CORO1A: variants seen among roughly 807,000 people sequenced by gnomAD.
CORO1A encodes the protein coronin 1A, also known as coronin-1A.
Under a neutral mutation model 44.1 loss-of-function variants are expected in CORO1A, and 17 were observed. The observed-to-expected ratio is 0.39, with a 90% confidence interval of 0.26 to 0.58. The LOEUF (loss-of-function observed/expected upper bound fraction) is 0.58. Ranked by LOEUF, CORO1A falls within the 20% of genes least tolerant of loss-of-function variation. The pLI is 0.62. For synonymous variants in CORO1A, 271 were observed against 244.2 expected (o/e 1.11, Z -1.02); for missense variants, 415 against 606.5 (o/e 0.68, Z 3.32).
chr16:30,187,048 A>G lies in CORO1A; in HGVS notation c.461A>G (p.Asn154Ser). 6.2e-7 allele frequency: 1 copy of G among 1,614,064 alleles called. No homozygotes were observed. The highest frequency in any genetic ancestry group is 1.1e-5 in the South Asian group (1 of 91,084). ...TGTGGGGAACGTGCAGGTTGTGACA[A>G]CGTGATCATGGTGTGGGACGTGGGC... The part of the protein sequence containing the change: ...QNVLLSAGCD[N>S]VIMVWDVGTG... Residue 154 changes from asparagine (N) to serine (S), a missense_variant, in exon 5 of 11, where the codon AAC becomes AGC. Asn to Ser is a conservative substitution (Grantham distance 46). Coordinates refer to ENST00000219150, the MANE Select transcript of CORO1A (RefSeq NM_007074.4).
intron 1 of CORO1A, 161 bp from the exon 2 acceptor site, chr16:30,185,048 A>C: frequency 1.4e-6 from 1 of 721,850 alleles, no homozygotes; most frequent in Non-Finnish European, 2.4e-6. Flanking sequence ...AGGCTGGGGA[A>C]GGCAAGCAGG....
chr16:30,187,076 T>C lies in CORO1A; in HGVS notation c.489T>C (p.Thr163=). The part of the protein sequence containing the change: ...DNVIMVWDVG[T]GAAMLTLGPE... Reference sequence around the variant, plus strand: ...TGATCATGGTGTGGGACGTGGGCACTGGGGCGGCCATGCTGACACTGGGCC... The same window carrying C: ...TGATCATGGTGTGGGACGTGGGCACCGGGGCGGCCATGCTGACACTGGGCC... Residue 163 remains threonine, a synonymous_variant, in exon 5 of 11, where the codon ACT becomes ACC. Coordinates refer to ENST00000219150, the MANE Select transcript of CORO1A (RefSeq NM_007074.4). The C allele has an allele frequency of 5.6e-6, 9 of 1,614,034 alleles. No homozygotes were observed. The highest frequency in any genetic ancestry group is 7.6e-6 in the Non-Finnish European group (9 of 1,179,982).
Position 30,186,675 on chromosome 16 carries a change from C to T in CORO1A, c.276C>T (p.His92=). The T allele has an allele frequency of 1.2e-6, 2 of 1,613,298 alleles. No individual in the cohort carries two copies. The highest frequency in any genetic ancestry group is 2.2e-5 in the South Asian group (2 of 91,040). Residue 92 remains histidine, a synonymous_variant, in exon 3 of 11, where the codon CAC becomes CAT. Coordinates refer to ENST00000219150, the MANE Select transcript of CORO1A (RefSeq NM_007074.4). ...APVLDIAWCP[H]NDNVIASGSE... is the part of the protein sequence containing the mutation. ...TGCTAGACATCGCCTGGTGCCCGCA[C>T]AATGACAACGTCATTGCCAGTGGCT... is the stretch of plus-strand genomic sequence containing the variant.
At position 30,188,181 on chromosome 16, in the gene CORO1A, C is replaced by T. The variant is rs2073366374; in HGVS notation, c.1008-11C>T. ...AGACTGTGGGCCCCGCTCACCTTCC[C>T]CTTCCCACAGGTTCTACAAGCTGCA... is the stretch of plus-strand genomic sequence containing the variant. On this transcript the variant is annotated splice_polypyrimidine_tract_variant and intron_variant, in intron 8 of 10. Transcript: ENST00000219150. The T allele has an allele frequency of 6.2e-7, 1 of 1,614,010 alleles. No individual in the cohort carries two copies. The highest frequency in any genetic ancestry group is 1.7e-5 in the Admixed American group (1 of 60,006).
chr16:30,187,726 AG>A lies in CORO1A; in HGVS notation c.759del (p.Lys253AsnfsTer77). On this transcript the variant is annotated frameshift_variant and splice_region_variant, in exon 7 of 11. Coordinates refer to ENST00000219150, the MANE Select transcript of CORO1A (RefSeq NM_007074.4). LOFTEE classifies it high-confidence loss of function. ...SERQVALWDT[K>X]HLEEPLSLQE... is the part of the protein sequence containing the mutation. Reference sequence around the variant, plus strand: ...GTTACCTCTCACCTGTGTCTACAGAAGCACCTGGAGGAGCCGCTGTCCCTGC... The same window carrying A: ...GTTACCTCTCACCTGTGTCTACAGAACACCTGGAGGAGCCGCTGTCCCTGC... The A allele has an allele frequency of 6.2e-7, 1 of 1,608,888 alleles. No individual in the cohort carries two copies. Among genetic ancestry groups the A allele is most frequent in the Non-Finnish European group, 8.5e-7 (1 of 1,176,160 alleles).
intron 4 of CORO1A, 33 bp from the exon 5 acceptor site, chr16:30,187,006 C>T (rs1354729320): frequency 1.9e-6 from 3 of 1,613,554 alleles, no homozygotes; most frequent in Non-Finnish European, 2.5e-6. Context: ...GGGCAGGAGG[C>T]TCATGGCTTC....
Position 30,184,883 on chromosome 16 carries a change from C to T in CORO1A, c.-1-326C>T, listed in dbSNP as rs1341215275. The T allele has an allele frequency of 1.5e-4, 66 of 452,382 alleles. No individual in the cohort carries two copies. Among genetic ancestry groups the T allele is most frequent in the Non-Finnish European group, 9.4e-5 (23 of 243,608 alleles). The allele number at this position is 452,382 out of a possible 1,614,324, so 28.0% of individuals were successfully genotyped here. On this transcript the variant is annotated intron_variant, in intron 1 of 10. Transcript: ENST00000219150. This position sits in a 1 kb window ranked among gnomAD's most constrained non-coding sequence, Gnocchi z 4.3. The stretch of plus-strand genomic sequence containing the variant: ...CCTGAGTCTGAACCATTAGGAAGGA[C>T]GGGCTCTGCATCCATCAGCCAGTCA...
Position 30,187,170 on chromosome 16 carries a change from T to G in CORO1A, c.583T>G (p.Cys195Gly). ...SRDGGLICTS[C>G]RDKRVRIIEP... ...AGATGGAGGCCTCATTTGTACCTCC[T>G]GCCGTGACAAGCGCGTGCGCATCAT... Residue 195 changes from cysteine (C) to glycine (G), a missense_variant, in exon 5 of 11, where the codon TGC (cysteine) becomes GGC (glycine). Physicochemically the swap from Cys to Gly is radical, Grantham distance 159. This residue lies in a region of CORO1A where 325 missense variants were observed against 521.7 expected (regional missense o/e 0.62). Coordinates refer to ENST00000219150, the MANE Select transcript of CORO1A (RefSeq NM_007074.4). 6.2e-7 allele frequency: 1 copy of G among 1,613,976 alleles called. No homozygotes were observed. The highest frequency in any genetic ancestry group is 8.5e-7 in the Non-Finnish European group (1 of 1,180,028).
Position 30,185,248 on chromosome 16 carries a change from C to G in CORO1A, c.39C>G (p.His13Gln). 1 of 1,614,170 alleles carries G rather than the reference C, an allele frequency of 6.2e-7. No homozygotes were observed. The highest frequency in any genetic ancestry group is 8.5e-7 in the Non-Finnish European group (1 of 1,180,018). The change falls in exon 2 of 11, where the codon CAC becomes CAG. Residue 13 changes from histidine to glutamine, a missense_variant. Around this residue, in one of 2 missense-constraint regions of CORO1A, gnomAD observed 325 missense variants for 521.7 expected, o/e 0.62. Transcript: ENST00000219150. ...TGGTCCGCTCCAGCAAGTTCCGCCA[C>G]GTGTTTGGACAGCCGGCCAAGGCCG... ...RQVVRSSKFR[H>Q]VFGQPAKADQ...
Position 30,187,733 on chromosome 16 carries a change from G to T in CORO1A, c.765G>T (p.Leu255=), listed in dbSNP as rs748379111. The change falls in exon 7 of 11, where the codon CTG becomes CTT. Residue 255 remains leucine (L), a synonymous_variant. Transcript: ENST00000219150. ...RQVALWDTKH[L]EEPLSLQELD... ...CTCACCTGTGTCTACAGAAGCACCTGGAGGAGCCGCTGTCCCTGCAGGAGC... is the reference window on the plus strand; with the variant it reads ...CTCACCTGTGTCTACAGAAGCACCTTGAGGAGCCGCTGTCCCTGCAGGAGC... 3.1e-6 allele frequency: 5 copies of T among 1,610,762 alleles called. No individual in the cohort carries two copies. Among genetic ancestry groups the T allele is most frequent in the Non-Finnish European group, 4.2e-6 (5 of 1,177,914 alleles).
intron 3 of CORO1A, 38 bp from the exon 4 acceptor site, chr16:30,186,778 T>C (rs1281801022): frequency 6.2e-7 from 1 of 1,609,180 alleles, no homozygotes; most frequent in South Asian, 1.1e-5. Flanking sequence ...GGATCTGACA[T>C]TTGGAGTCCT....
chr16:30,188,287 G>C, intron 9 of CORO1A, 38 bp downstream of exon 9: 1 of 1,613,072 alleles, frequency 6.2e-7, no homozygotes, highest in Non-Finnish European at 8.5e-7. Flanking sequence ...TCCAGGCTGG[G>C]CACTGACTTT....
intron 2 of CORO1A, 109 bp from the exon 3 acceptor site, chr16:30,186,489 T>G: frequency 8.0e-7 from 1 of 1,247,200 alleles, no homozygotes; most frequent in Non-Finnish European, 1.2e-6. Context: ...CTGGTCCAGC[T>G]CCCAGGGACA....
intron 10 of CORO1A, 103 bp from the exon 11 acceptor site, chr16:30,188,757 G>A (rs1330923123): frequency 3.5e-6 from 2 of 563,582 alleles, no homozygotes; most frequent in East Asian, 2.9e-5. Context: ...CCAGCTGAGC[G>A]ACTAAAGGGC....
chr16:30,185,611 A>C (rs2073324825), intron 2 of CORO1A: 1 of 604,544 alleles, frequency 1.7e-6, no homozygotes, highest in African/African-American at 1.9e-5. Flanking sequence ...GAGCCAACAC[A>C]AGATGGGTCA....
rs536390638 is a variant in CORO1A, at chr16:30,185,371, C to T, written c.162C>T (p.Ser54=). The T allele has an allele frequency of 1.4e-5, 23 of 1,613,984 alleles. No homozygotes were observed. Among genetic ancestry groups the T allele is most frequent in the South Asian group, 1.2e-4 (11 of 91,080 alleles). Residue 54 remains serine, a synonymous_variant, in exon 2 of 11, where the codon AGC becomes AGT. Coordinates refer to ENST00000219150, the MANE Select transcript of CORO1A (RefSeq NM_007074.4). ...PKFVALICEA[S]GGGAFLVLPL... is the part of the protein sequence containing the mutation. ...TTGTGGCCCTGATCTGTGAGGCCAG[C>T]GGGGGAGGGGCCTTCCTGGTGCTGC...
intron 2 of CORO1A, 107 bp downstream of exon 2, chr16:30,185,514 A>C: frequency 9.9e-7 from 1 of 1,012,220 alleles, no homozygotes; most frequent in Non-Finnish European, 1.5e-6. Context: ...CTGTGTTGCC[A>C]TCTGGAAAAC....
chr16:30,185,304 A>C lies in CORO1A; in HGVS notation c.95A>C (p.Gln32Pro), dbSNP rs760759510. 6.2e-7 allele frequency: 1 copy of C among 1,614,132 alleles called. No homozygotes were observed. Among genetic ancestry groups the C allele is most frequent in the East Asian group, 2.2e-5 (1 of 44,900 alleles). ...DQCYEDVRVS[Q>P]TTWDSGFCAV... ...TGCTATGAAGATGTGCGCGTCTCAC[A>C]GACCACCTGGGACAGTGGCTTCTGT... is the stretch of plus-strand genomic sequence containing the variant. The change falls in exon 2 of 11, where the codon CAG becomes CCG. Residue 32 changes from glutamine to proline, a missense_variant. Gln to Pro is a moderately conservative substitution (Grantham distance 76). Around this residue, in one of 2 missense-constraint regions of CORO1A, gnomAD observed 325 missense variants for 521.7 expected, o/e 0.62. Coordinates refer to ENST00000219150, the MANE Select transcript of CORO1A (RefSeq NM_007074.4).
chr16:30,188,237 A>C lies in CORO1A; in HGVS notation c.1053A>C (p.Thr351=). ...GGAGGTGTGAGCCCATTGCCATGAC[A>C]GTGCCTCGAAAGGTGATGCTCCCCC... ...HERRCEPIAM[T]VPRKSDLFQE... The change falls in exon 9 of 11, where the codon ACA becomes ACC. Residue 351 remains threonine, a synonymous_variant. Coordinates refer to ENST00000219150, the MANE Select transcript of CORO1A (RefSeq NM_007074.4). The C allele has an allele frequency of 6.2e-7, 1 of 1,614,064 alleles. No individual in the cohort carries two copies. The highest frequency in any genetic ancestry group is 1.1e-5 in the South Asian group (1 of 91,082).
Sources: gnomAD v4.1 joint callset for allele counts on GRCh38, gnomAD v4.1.1 for gene constraint, gnomAD v4.1.1 regional missense constraint, Gnocchi (gnomAD v3.1) non-coding constraint, MANE v1.5 for transcripts, NCBI Gene and HGNC (gene_info 2026-07-23, HGNC 2026-07-21) for gene names.